DPYSL2: variants seen among roughly 807,000 people sequenced by gnomAD.
DPYSL2 encodes the protein dihydropyrimidinase-related protein 2.
A neutral mutation model predicts 69.9 loss-of-function variants in DPYSL2; 13 were observed. The ratio of observed to expected loss-of-function variants is 0.19; its 90% CI spans 0.12 to 0.30. The LOEUF (loss-of-function observed/expected upper bound fraction) is 0.30, where lower values mean the gene tolerates loss of function less well. Among genes scored for constraint, DPYSL2 ranks in the 10% least tolerant of loss-of-function variants. DPYSL2 has a pLI of 1.00. For synonymous variants in DPYSL2, 326 were observed against 359.1 expected (o/e 0.91, Z 1.04); for missense variants, 587 against 918.9 (o/e 0.64, Z 4.67).
chr8:26,594,997 C>T (rs1221843872), intron 3 of DPYSL2, among the ~76,000 whole-genome samples: 4 of 152,068 alleles, frequency 2.6e-5, no homozygotes, highest in Admixed American at 1.3e-4. Flanking sequence ...CCAGCCTGGG[C>T]AGCAAAGTGA....
chr8:26,613,454 A>G (rs1354582853), intron 3 of DPYSL2, among the ~76,000 whole-genome samples: 1 of 152,166 alleles, frequency 6.6e-6, no homozygotes, highest in Non-Finnish European at 1.5e-5. Context: ...AGGCTTCAGG[A>G]TGAGTGGCTC....
In DPYSL2 at chr8:26,534,527, A is replaced by AGCTGTGTG. The variant is rs1335409213; in HGVS notation, c.354+19859_354+19866dup. The stretch of plus-strand genomic sequence containing the variant: ...TCTGGAGCCAGTTACCACTGCTAAC[A>AGCTGTGTG]GCTGTGTGGCTGTGTGGCCTTGGTC... On this transcript the variant is annotated intron_variant, in intron 1 of 13. Coordinates refer to ENST00000521913, the MANE Select transcript of DPYSL2 (RefSeq NM_001197293.3). Among the ~76,000 whole-genome samples the AGCTGTGTG allele has an allele frequency of 1.2e-4, 19 of 152,316 alleles. No individual in the cohort carries two copies. In the East Asian group the frequency reaches 3.3e-3, roughly 26 times the overall value.
chr8:26,564,314 C>T lies in DPYSL2; in HGVS notation c.355-17655C>T, dbSNP rs916309364. The stretch of plus-strand genomic sequence containing the variant: ...ACGCTACCCATTCCTGAAGCTTAAC[C>T]ATGTAGGAACAGCAAGGCAGGGCAA... On this transcript the variant is annotated intron_variant, in intron 1 of 13. Coordinates refer to ENST00000521913, the MANE Select transcript of DPYSL2 (RefSeq NM_001197293.3). The surrounding 1 kb of genome is among the most constrained non-coding windows in gnomAD (Gnocchi z 4.8). Among the ~76,000 whole-genome samples, 1 of 152,126 alleles carries T rather than the reference C, an allele frequency of 6.6e-6. No individual in the cohort carries two copies. The highest frequency in any genetic ancestry group is 2.4e-5 in the African/African-American group (1 of 41,412).
chr8:26,603,793 A>G (rs895629899), intron 3 of DPYSL2, among the ~76,000 whole-genome samples: 5 of 152,212 alleles, frequency 3.3e-5, no homozygotes, highest in Non-Finnish European at 7.3e-5. Flanking sequence ...AAGTTCACCT[A>G]TGTGATAGCC....
chr8:26,518,666 A>G (rs1480733089), intron 1 of DPYSL2, among the ~76,000 whole-genome samples: 1 of 151,844 alleles, frequency 6.6e-6, no homozygotes, highest in East Asian at 1.9e-4. Context: ...CAGCTTGACT[A>G]CTCTAGACTC....
rs1803372985 is a variant in DPYSL2, at chr8:26,655,771, C to A, written c.*65C>A. 181 of 1,069,238 alleles carry A rather than the reference C, an allele frequency of 1.7e-4. 1 individual carries two copies. The highest frequency in any genetic ancestry group is 4.7e-4 in the Middle Eastern group (2 of 4,250). 66.2% of individuals were successfully genotyped at this position (1,069,238 alleles called of 1,614,324 possible). On this transcript the variant is annotated 3_prime_UTR_variant, in exon 14 of 14. Coordinates refer to ENST00000521913, the MANE Select transcript of DPYSL2 (RefSeq NM_001197293.3). The stretch of plus-strand genomic sequence containing the variant: ...GACACCTGAGGACATTCTGAGACTT[C>A]TTTCTTCCTTCCTTTTTTTTTTTTT...
intron 8 of DPYSL2, among the ~76,000 whole-genome samples, chr8:26,639,826 G>T (rs533915384): frequency 4.1e-4 from 63 of 152,024 alleles, no homozygotes; most frequent in Admixed American, 3.9e-3. Flanking sequence ...ACTACTGGAC[G>T]TAGAATCATT....
rs918154559 is a variant in DPYSL2, at chr8:26,605,310, C to G, written c.629-18833C>G. 1.3e-5 allele frequency among the ~76,000 whole-genome samples: 2 copies of G among 151,928 alleles called. No individual in the cohort carries two copies. The highest frequency in any genetic ancestry group is 4.8e-5 in the African/African-American group (2 of 41,368). ...ATGGGGAGAAAATATAAGATTATTA[C>G]TATTTTTTTTTATTGCCCAGGCTGG... On this transcript the variant is annotated intron_variant, in intron 3 of 13. Coordinates refer to ENST00000521913, the MANE Select transcript of DPYSL2 (RefSeq NM_001197293.3). This position sits in a 1 kb window ranked among gnomAD's most constrained non-coding sequence, Gnocchi z 4.1.
Position 26,642,912 on chromosome 8 carries a change from G to A in DPYSL2, c.1127-527G>A, listed in dbSNP as rs28470992. ...CAGGCTGTCTCTTGAGGATATCTGG[G>A]GGGTTATGTATTTGCCCTGAAATAC... On this transcript the variant is annotated intron_variant, in intron 8 of 13. Transcript: ENST00000521913. The surrounding 1 kb of genome is among the most constrained non-coding windows in gnomAD (Gnocchi z 5.3). 14,041 of 152,364 alleles carry A rather than the reference G, an allele frequency of 0.092. 741 individuals are homozygous for A. The highest frequency in any genetic ancestry group is 0.14 in the South Asian group (661 of 4,824). 9.4% of individuals were successfully genotyped at this position (152,364 alleles called of 1,614,324 possible). A position where few individuals can be genotyped will look rare whatever the true frequency, so the allele number is the denominator to read the frequency against.
chr8:26,655,783 C>A lies in DPYSL2; in HGVS notation c.*77C>A. On this transcript the variant is annotated 3_prime_UTR_variant, in exon 14 of 14. Coordinates refer to ENST00000521913, the MANE Select transcript of DPYSL2 (RefSeq NM_001197293.3). The stretch of plus-strand genomic sequence containing the variant: ...CATTCTGAGACTTCTTTCTTCCTTC[C>A]TTTTTTTTTTTTTGTTTTTTTTTTT... The A allele has an allele frequency of 1.1e-6, 1 of 891,810 alleles. No homozygotes were observed. Among genetic ancestry groups the A allele is most frequent in the Non-Finnish European group, 1.5e-6 (1 of 653,396 alleles). The allele number at this position is 891,810 out of a possible 1,614,324, so 55.2% of individuals were successfully genotyped here.
chr8:26,536,415 A>T (rs1207375570), intron 1 of DPYSL2, among the ~76,000 whole-genome samples: 1 of 151,906 alleles, frequency 6.6e-6, no homozygotes, highest in African/African-American at 2.4e-5. Flanking sequence ...TCATGCCTAT[A>T]ATCCTAGCAC....
In DPYSL2 at chr8:26,617,594, CTTATTTACT is replaced by C. The variant is rs1802383940; in HGVS notation, c.629-6546_629-6538del. On this transcript the variant is annotated intron_variant, in intron 3 of 13. Coordinates refer to ENST00000521913, the MANE Select transcript of DPYSL2 (RefSeq NM_001197293.3). This position sits in a 1 kb window ranked among gnomAD's most constrained non-coding sequence, Gnocchi z 4.7. ...TTCTCTTTGAAGTTTTAGGGAGCAG[CTTATTTACT>C]TTGTGTCTCACACTTTGCTAATATC... is the stretch of plus-strand genomic sequence containing the variant. Among the ~76,000 whole-genome samples the C allele has an allele frequency of 2.0e-5, 3 of 152,184 alleles. No homozygotes were observed. Among genetic ancestry groups the C allele is most frequent in the African/African-American group, 7.2e-5 (3 of 41,442 alleles).
At chr8:26,604,506 C>G (rs1460376555) in intron 3 of DPYSL2, among the ~76,000 whole-genome samples, 1 of 152,202 alleles carries the variant, frequency 6.6e-6, no homozygotes, top group Admixed American at 6.5e-5. Flanking sequence ...ACCTGCCTGC[C>G]TCATCTTGAG....
intron 1 of DPYSL2, among the ~76,000 whole-genome samples, chr8:26,557,523 A>T (rs1276609680): frequency 2.0e-5 from 3 of 150,768 alleles, no homozygotes; most frequent in African/African-American, 7.3e-5. Flanking sequence ...TTATGCCTGT[A>T]ATCCCAGAAC....
chr8:26,530,034 C>T (rs183995380), intron 1 of DPYSL2, among the ~76,000 whole-genome samples: 30 of 147,522 alleles, frequency 2.0e-4, no homozygotes, highest in African/African-American at 7.6e-4. Context: ...ATTGCTTGAG[C>T]CCGGGAGGTG....
Position 26,648,544 on chromosome 8 carries a change from G to A in DPYSL2, c.1596+744G>A, listed in dbSNP as rs1225958399. On this transcript the variant is annotated intron_variant, in intron 11 of 13. Coordinates refer to ENST00000521913, the MANE Select transcript of DPYSL2 (RefSeq NM_001197293.3). The surrounding 1 kb of genome is among the most constrained non-coding windows in gnomAD (Gnocchi z 4.3). ...TTAAGCAGAGTTGTTAGACACTGCC[G>A]ATTCCTCACAAGCAACATGGTATAG... is the stretch of plus-strand genomic sequence containing the variant. Among the ~76,000 whole-genome samples, 6 of 152,184 alleles carry A rather than the reference G, an allele frequency of 3.9e-5. No individual in the cohort carries two copies. The highest frequency in any genetic ancestry group is 7.3e-5 in the Non-Finnish European group (5 of 68,040).
chr8:26,574,921 CTAATTTATTTTGTTTGTTT>C, intron 1 of DPYSL2, among the ~76,000 whole-genome samples: 1 of 152,164 alleles, frequency 6.6e-6, no homozygotes, highest in East Asian at 1.9e-4. Flanking sequence ...CCACACTCAG[CTAATTTATTTTGTTTGTTT>C]TTGTTTTTTT....
intron 1 of DPYSL2, among the ~76,000 whole-genome samples, chr8:26,531,701 C>T (rs1422891274): frequency 2.0e-5 from 3 of 151,870 alleles, no homozygotes; most frequent in Non-Finnish European, 4.4e-5. Context: ...TAATAAAGGG[C>T]GATTTTATGT....
chr8:26,630,893 T>G (rs1270078716), intron 7 of DPYSL2, among the ~76,000 whole-genome samples: 2 of 152,228 alleles, frequency 1.3e-5, no homozygotes, highest in African/African-American at 4.8e-5. Flanking sequence ...AGTTTCCTCC[T>G]GCTTTCCTCC....
Sources: gnomAD v4.1 joint callset for allele counts (sites outside exome capture counted in the v4.1 genomes callset) on GRCh38, gnomAD v4.1.1 for gene constraint, Gnocchi (gnomAD v3.1) non-coding constraint, MANE v1.5 for transcripts, NCBI Gene and HGNC (gene_info 2026-07-23, HGNC 2026-07-21) for gene names.